The following RHCE variants were observed in gnomAD, a reference collection of about 807,000 sequenced individuals.
RHCE encodes the protein Rh blood group CcEe antigens, also known as blood group Rh(CE) polypeptide.
In RHCE, 22 loss-of-function variants were observed where a neutral mutation model predicts 43.8. The observed-to-expected ratio is 0.50, with a 90% confidence interval of 0.36 to 0.72. The LOEUF (loss-of-function observed/expected upper bound fraction) is 0.72, where lower values mean the gene tolerates loss of function less well. Among genes scored for constraint, RHCE ranks in the 30% least tolerant of loss-of-function variants. The pLI is 0.00. For missense variants in RHCE, 385 were observed against 525.4 expected (o/e 0.73, Z 2.61); for synonymous variants, 156 against 210.7 (o/e 0.74, Z 2.25).
intron 8 of RHCE, among the ~76,000 whole-genome samples, chr1:25,373,401 C>T (rs1212914177): frequency 6.6e-6 from 1 of 151,714 alleles, no homozygotes; most frequent in South Asian, 2.1e-4. Flanking sequence ...AATCCGGCAG[C>T]CTTTCCCAGG....
chr1:25,386,820 TCAA>T (rs1199191866), intron 6 of RHCE, among the ~76,000 whole-genome samples: 16 of 145,352 alleles, frequency 1.1e-4, no homozygotes, highest in South Asian at 2.2e-4. Context: ...AGACACCGTC[TCAA>T]CAACAACAAC....
intron 8 of RHCE, among the ~76,000 whole-genome samples, chr1:25,374,245 C>T (rs1173770316): frequency 2.6e-5 from 4 of 151,916 alleles, no homozygotes; most frequent in East Asian, 1.9e-4. Context: ...CCCACCACCA[C>T]GCCTGGCTAA....
chr1:25,395,137 C>T (rs1405927308), intron 3 of RHCE, among the ~76,000 whole-genome samples: 3 of 142,436 alleles, frequency 2.1e-5, no homozygotes, highest in Non-Finnish European at 3.0e-5. Context: ...GAAATTTACT[C>T]CTCTTCTTGA....
chr1:25,381,517 C>A (rs1349084129), intron 7 of RHCE, among the ~76,000 whole-genome samples: 1 of 148,938 alleles, frequency 6.7e-6, no homozygotes, highest in East Asian at 2.0e-4. Context: ...AGTGCAATAG[C>A]ACGATCTCAG....
Position 25,389,104 on chromosome 1 carries a change from G to T in RHCE, c.811C>A (p.His271Asn), listed in dbSNP as rs1646274891. ...ACGCCTCCTGCCAACACCGCACTGT[G>T]CACATAAGTCTGCAAAGAAATAGCG... ...PQRKISMTYV[H>N]SAVLAGGVAV... Residue 271 changes from histidine to asparagine, a missense_variant, in exon 6 of 10, where the codon CAC becomes AAC. By Grantham distance (68) the His-to-Asn change is moderately conservative. Around this residue, in one of 6 missense-constraint regions of RHCE, gnomAD observed 56 missense variants for 90.0 expected, o/e 0.62. Transcript: ENST00000294413. The T allele has an allele frequency of 2.5e-6, 4 of 1,614,020 alleles. No homozygotes were observed. In the African/African-American group the frequency reaches 5.3e-5, roughly 22 times the overall value.
chr1:25,429,372 TC>T (rs1233150120), intron 1 of RHCE, among the ~76,000 whole-genome samples: 4 of 152,026 alleles, frequency 2.6e-5, no homozygotes, highest in Admixed American at 2.6e-4. Context: ...CAGGATGGTC[TC>T]CGATCTCCTG....
intron 5 of RHCE, among the ~76,000 whole-genome samples, chr1:25,389,533 CA>C (rs998322502): frequency 2.0e-5 from 3 of 152,120 alleles, no homozygotes; most frequent in African/African-American, 7.2e-5. Flanking sequence ...CTCAGCTTTC[CA>C]AAATATTGGG....
exon 1 of RHCE, chr1:25,429,940 C>T (rs1434119150): frequency 6.6e-6 from 1 of 152,124 alleles, no homozygotes; most frequent in Non-Finnish European, 1.5e-5. Flanking sequence ...CGCAAATTAC[C>T]CAGCACGGTG....
chr1:25,407,702 G>GGAAC (rs1646957251), intron 2 of RHCE, among the ~76,000 whole-genome samples: 1 of 123,574 alleles, frequency 8.1e-6, no homozygotes, highest in Non-Finnish European at 1.8e-5. Context: ...CTTCTATTAA[G>GGAAC]TGCCAATGCC....
At chr1:25,377,305 C>T (rs1018124208) in intron 7 of RHCE, among the ~76,000 whole-genome samples, 10 of 151,536 alleles carry the variant, frequency 6.6e-5, no homozygotes, top group Admixed American at 4.6e-4. Flanking sequence ...AGTGCAGTGG[C>T]GTGATCTCAG....
In RHCE at chr1:25,385,579, C is replaced by T; in HGVS notation, c.1073+132G>A. The stretch of plus-strand genomic sequence containing the variant: ...GGACATAATTTCTGAATAAATCAGC[C>T]AACAAATATTCACCGAAGCCTACTG... On this transcript the variant is annotated intron_variant, in intron 7 of 9. Transcript: ENST00000294413. 5 of 1,345,444 alleles carry T rather than the reference C, an allele frequency of 3.7e-6. No individual in the cohort carries two copies. The Admixed American group carries it at 8.4e-5, about 23-fold the overall frequency. 83.3% of individuals were successfully genotyped at this position (1,345,444 alleles called of 1,614,324 possible). A position where few individuals can be genotyped will look rare whatever the true frequency, so the allele number is the denominator to read the frequency against.
intron 9 of RHCE, among the ~76,000 whole-genome samples, chr1:25,369,201 C>T (rs1557595507): frequency 6.6e-6 from 1 of 151,742 alleles, no homozygotes; most frequent in Non-Finnish European, 1.5e-5. Flanking sequence ...CCCTCATGCA[C>T]AGGTGTCCAG....
intron 1 of RHCE, among the ~76,000 whole-genome samples, chr1:25,410,726 A>AG (rs1289464693): frequency 1.3e-5 from 2 of 152,154 alleles, no homozygotes; most frequent in Non-Finnish European, 2.9e-5. Flanking sequence ...AAAAGGTGGA[A>AG]GGGGAAGCAT....
intron 1 of RHCE, among the ~76,000 whole-genome samples, chr1:25,416,661 T>A (rs1156374783): frequency 2.0e-5 from 3 of 151,810 alleles, no homozygotes; most frequent in Non-Finnish European, 4.4e-5. Context: ...CTGTCGCCCA[T>A]GCTGGAGTGA....
intron 2 of RHCE, among the ~76,000 whole-genome samples, chr1:25,427,426 C>CT (rs2042812635): frequency 6.6e-6 from 1 of 152,260 alleles, no homozygotes; most frequent in African/African-American, 2.4e-5. Flanking sequence ...CTGCTGATCT[C>CT]TGCTTCCTGA....
chr1:25,427,871 AGAG>A (rs1351739992), intron 2 of RHCE, among the ~76,000 whole-genome samples: 2 of 152,240 alleles, frequency 1.3e-5, no homozygotes, highest in African/African-American at 2.4e-5. Flanking sequence ...CACCACCTCC[AGAG>A]GAGATCTTGG....
chr1:25,370,722 T>C (rs1296852572), intron 8 of RHCE, among the ~76,000 whole-genome samples, 182 bp from the exon 9 acceptor site: 1 of 33,562 alleles, frequency 3.0e-5, no homozygotes, highest in Non-Finnish European at 8.3e-5. Context: ...TTCTGTAGAC[T>C]ATTTTATTTT....
At chr1:25,372,999 C>T (rs1038961416) in intron 8 of RHCE, among the ~76,000 whole-genome samples, 5 of 147,986 alleles carry the variant, frequency 3.4e-5, no homozygotes, top group Admixed American at 6.6e-5. Flanking sequence ...GATGGGGTCT[C>T]ACTATAGGAT....
chr1:25,372,318 G>C (rs1645634597), intron 8 of RHCE, among the ~76,000 whole-genome samples: 1 of 151,376 alleles, frequency 6.6e-6, no homozygotes, highest in South Asian at 2.1e-4. Context: ...TCAGGAGTTC[G>C]AGACCAGCAT....
Sources: gnomAD v4.1 joint callset for allele counts (sites outside exome capture counted in the v4.1 genomes callset) on GRCh38, gnomAD v4.1.1 for gene constraint, gnomAD v4.1.1 regional missense constraint, MANE v1.5 for transcripts, NCBI Gene and HGNC (gene_info 2026-07-23, HGNC 2026-07-21) for gene names.